Variants in CATSPERT observed in about 807,000 individuals in gnomAD.
CATSPERT encodes catsper channel auxiliary subunit tau.
At chr2:201,577,080 C>T in the CATSPERT span, among the ~76,000 whole-genome samples, 2 of 152,092 alleles carry the variant, frequency 1.3e-5, no homozygotes, top group Non-Finnish European at 2.9e-5. Context: ...AAGCCACAAT[C>T]AATATACAAT....
the CATSPERT span, among the ~76,000 whole-genome samples, chr2:201,552,659 A>G: frequency 2.6e-5 from 4 of 152,226 alleles, no homozygotes; most frequent in Non-Finnish European, 5.9e-5. Context: ...CAAAAGTTAT[A>G]TATGGATTTT....
the CATSPERT span, among the ~76,000 whole-genome samples, chr2:201,511,513 G>A: frequency 7.2e-5 from 11 of 152,070 alleles, 2 homozygotes; most frequent in African/African-American, 2.7e-4. Flanking sequence ...TGTATCATAC[G>A]AGTTCTCTTA....
At chr2:201,537,359 A>G in the CATSPERT span, 1 of 1,255,318 alleles carries the variant, frequency 8.0e-7, no homozygotes, top group Non-Finnish European at 1.1e-6. Flanking sequence ...TCTATCTATA[A>G]ATATTTCTCC....
At chr2:201,572,031 T>C in the CATSPERT span, 6 of 1,450,912 alleles carry the variant, frequency 4.1e-6, no homozygotes, top group Non-Finnish European at 4.8e-6. Context: ...CTGAAAAAAA[T>C]GTAAGTGTAT....
chr2:201,496,046 TATTAGAG>T, the CATSPERT span: 1 of 958,698 alleles, frequency 1.0e-6, no homozygotes, highest in Non-Finnish European at 1.5e-6. Flanking sequence ...TTGCAATAGT[TATTAGAG>T]ATATAAAATT....
chr2:201,490,696 G>C, the CATSPERT span, among the ~76,000 whole-genome samples: 1 of 152,152 alleles, frequency 6.6e-6, no homozygotes, highest in Admixed American at 6.5e-5. Flanking sequence ...TGAATCAGGT[G>C]AGGTGATATT....
the CATSPERT span, chr2:201,604,758 CAATTCAATAATTATTGTATG>C: frequency 8.6e-7 from 1 of 1,158,608 alleles, no homozygotes; most frequent in South Asian, 1.5e-5. Context: ...GATGAAACAT[CAATTCAATAATTATTGTATG>C]AATCTCTAGT....
the CATSPERT span, among the ~76,000 whole-genome samples, chr2:201,573,185 T>C: frequency 6.6e-6 from 1 of 152,204 alleles, no homozygotes; most frequent in Admixed American, 6.5e-5. Flanking sequence ...ATTTCCTTTC[T>C]AGGAATCTGG....
chr2:201,511,867 A>AAC, the CATSPERT span: 1 of 150,650 alleles, frequency 6.6e-6, no homozygotes, highest in African/African-American at 2.4e-5. Flanking sequence ...AAAAAAAAAA[A>AAC]AAAAAACTCT....
At chr2:201,510,078 G>A in the CATSPERT span, among the ~76,000 whole-genome samples, 1 of 150,822 alleles carries the variant, frequency 6.6e-6, no homozygotes, top group African/African-American at 2.5e-5. Flanking sequence ...ATGTGATCAG[G>A]ACACTCTCTC....
At chr2:201,589,759 T>C in the CATSPERT span, among the ~76,000 whole-genome samples, 1 of 151,950 alleles carries the variant, frequency 6.6e-6, no homozygotes, top group Non-Finnish European at 1.5e-5. Flanking sequence ...AATTGACAAA[T>C]GGGATCTAAT....
the CATSPERT span, among the ~76,000 whole-genome samples, chr2:201,521,702 G>C: frequency 6.6e-6 from 1 of 152,034 alleles, no homozygotes; most frequent in South Asian, 2.1e-4. Context: ...AACAAAAAAA[G>C]AAAGAAAACT....
the CATSPERT span, among the ~76,000 whole-genome samples, chr2:201,598,992 T>C: frequency 6.6e-6 from 1 of 152,072 alleles, no homozygotes; most frequent in Non-Finnish European, 1.5e-5. Flanking sequence ...CCTGAAATTA[T>C]TCAAACTAGC....
chr2:201,561,961 A>G, the CATSPERT span, among the ~76,000 whole-genome samples: 1 of 151,970 alleles, frequency 6.6e-6, no homozygotes, highest in Non-Finnish European at 1.5e-5. Flanking sequence ...AATTCAAATT[A>G]TGGTCTATAA....
At chr2:201,575,387 C>T in the CATSPERT span, 512 of 1,394,022 alleles carry the variant, frequency 3.7e-4, no homozygotes, top group African/African-American at 6.1e-3. Flanking sequence ...TGTATATTAT[C>T]GAAACCAAGG....
chr2:201,579,357 C>T, the CATSPERT span, among the ~76,000 whole-genome samples: 1 of 152,114 alleles, frequency 6.6e-6, no homozygotes, highest in Non-Finnish European at 1.5e-5. Flanking sequence ...TTTCCTGCCT[C>T]AGCCCCCCAT....
At chr2:201,519,801 G>A in the CATSPERT span, among the ~76,000 whole-genome samples, 1 of 152,082 alleles carries the variant, frequency 6.6e-6, no homozygotes, top group African/African-American at 2.4e-5. Flanking sequence ...AAATAACACA[G>A]GCAGACAAAA....
chr2:201,606,439 C>A, the CATSPERT span, among the ~76,000 whole-genome samples: 4 of 152,294 alleles, frequency 2.6e-5, no homozygotes, highest in South Asian at 8.3e-4. Context: ...CCAACCAAGT[C>A]TATTTTTATC....
chr2:201,613,673 G>T, the CATSPERT span, among the ~76,000 whole-genome samples: 1 of 152,166 alleles, frequency 6.6e-6, no homozygotes, highest in African/African-American at 2.4e-5. Context: ...ACAGCTCCTC[G>T]CCAGCAAGGG....
Sources: allele counts gnomAD v4.1 joint callset (sites outside exome capture counted in the v4.1 genomes callset), GRCh38; gene constraint gnomAD v4.1.1; transcripts MANE v1.5; gene names NCBI Gene and HGNC (gene_info 2026-07-23, HGNC 2026-07-21).